DOCK2: variants seen among roughly 807,000 people sequenced by gnomAD.
The protein encoded by DOCK2 is dedicator of cytokinesis 2, also known as dedicator of cytokinesis protein 2.
Under a neutral mutation model 248.9 loss-of-function variants are expected in DOCK2, and 87 were observed. The observed-to-expected ratio is 0.35, with a 90% CI of 0.29 to 0.42. The LOEUF (loss-of-function observed/expected upper bound fraction) is 0.42, where lower values mean the gene tolerates loss of function less well. Among genes scored for constraint, DOCK2 ranks in the 10% least tolerant of loss-of-function variants. The pLI is 1.00. For synonymous variants in DOCK2, 805 were observed against 821.6 expected (o/e 0.98, Z 0.35); for missense variants, 1,747 against 2,300.2 (o/e 0.76, Z 4.92).
chr5:169,975,304 T>C (rs1220526178), intron 27 of DOCK2, among the ~76,000 whole-genome samples: 2 of 152,176 alleles, frequency 1.3e-5, no homozygotes, highest in Non-Finnish European at 2.9e-5. Context: ...TGGAAAATGC[T>C]TCTCTAAAGA....
intron 26 of DOCK2, among the ~76,000 whole-genome samples, chr5:169,828,375 C>T (rs1469951420): frequency 6.6e-6 from 1 of 152,176 alleles, no homozygotes; most frequent in Non-Finnish European, 1.5e-5. Flanking sequence ...CTGGCTGAGG[C>T]ATAGGCTGCT....
At position 169,846,191 on chromosome 5, in the gene DOCK2, G is replaced by A. The variant is rs79990944; in HGVS notation, c.2799+5339G>A. On this transcript the variant is annotated intron_variant, in intron 27 of 51. Coordinates refer to ENST00000520908, the MANE Select transcript of DOCK2 (RefSeq NM_004946.3). ...TTTTGAAATCCCAGGAGGGCCCCAA[G>A]TGGGTATAGGATGGCTGGTTGCAAC... Among the ~76,000 whole-genome samples the A allele has an allele frequency of 1.6e-4, 25 of 152,296 alleles. No homozygotes were observed. The East Asian group carries it at 4.6e-3, about 28-fold the overall frequency.
chr5:170,038,860 T>G (rs1756412030), intron 36 of DOCK2, among the ~76,000 whole-genome samples: 1 of 152,042 alleles, frequency 6.6e-6, no homozygotes, highest in African/African-American at 2.4e-5. Context: ...CTCCCCAGGT[T>G]TTTTGAACTC....
chr5:169,998,386 G>C (rs1049593964), intron 30 of DOCK2, among the ~76,000 whole-genome samples: 1 of 152,224 alleles, frequency 6.6e-6, no homozygotes, highest in Non-Finnish European at 1.5e-5. Context: ...TTTGCTGAGA[G>C]GATGAACAGG....
At chr5:169,966,062 A>G (rs1284513478) in intron 27 of DOCK2, among the ~76,000 whole-genome samples, 2 of 152,234 alleles carry the variant, frequency 1.3e-5, no homozygotes, top group Admixed American at 1.3e-4. Flanking sequence ...TTCCTTTGCA[A>G]TATTCTGCCA....
chr5:170,016,188 C>T (rs1241930766), intron 32 of DOCK2, among the ~76,000 whole-genome samples: 3 of 152,234 alleles, frequency 2.0e-5, no homozygotes, highest in Non-Finnish European at 4.4e-5. Context: ...GGCTTATTGG[C>T]ACTTTAATAG....
At chr5:169,934,409 C>G (rs957183665) in intron 27 of DOCK2, among the ~76,000 whole-genome samples, 1 of 152,190 alleles carries the variant, frequency 6.6e-6, no homozygotes, top group African/African-American at 2.4e-5. Flanking sequence ...TCCGCATGCC[C>G]GTGAATCACA....
At chr5:169,883,420 C>T (rs1463024363) in intron 27 of DOCK2, 1 of 1,551,642 alleles carries the variant, frequency 6.4e-7, no homozygotes, top group Admixed American at 2.0e-5. Flanking sequence ...CCTTCGAGGC[C>T]CATCCTCAAG....
intron 41 of DOCK2, among the ~76,000 whole-genome samples, chr5:170,051,806 G>A (rs1756926720): frequency 6.6e-6 from 1 of 152,092 alleles, no homozygotes; most frequent in Admixed American, 6.5e-5. Context: ...CACAGAAAGA[G>A]GAAAGAAGAA....
At chr5:169,744,333 C>A (rs928406694) in intron 22 of DOCK2, among the ~76,000 whole-genome samples, 1 of 152,114 alleles carries the variant, frequency 6.6e-6, no homozygotes, top group African/African-American at 2.4e-5. Context: ...ATCTTTTTTC[C>A]TTCCAGTTCA....
chr5:169,897,546 T>C (rs2113564640), intron 27 of DOCK2, among the ~76,000 whole-genome samples: 1 of 152,276 alleles, frequency 6.6e-6, no homozygotes, highest in Middle Eastern at 3.4e-3. Context: ...ATGGTCCCTT[T>C]AAAGACTTCA....
At chr5:169,993,416 T>G (rs1778258893) in intron 29 of DOCK2, among the ~76,000 whole-genome samples, 1 of 152,208 alleles carries the variant, frequency 6.6e-6, no homozygotes, top group Admixed American at 6.5e-5. Flanking sequence ...TGAAGCCACC[T>G]CAGCTAGTGA....
At chr5:169,941,825 G>A (rs1292925161) in intron 27 of DOCK2, among the ~76,000 whole-genome samples, 3 of 152,186 alleles carry the variant, frequency 2.0e-5, no homozygotes, top group Non-Finnish European at 4.4e-5. Context: ...TTCCCCTCCA[G>A]AATAGAACCC....
rs191889792 is a variant in DOCK2 at position 169,711,575 on chromosome 5, C to T, written c.1483-360C>T. ...AGCCCTGCTGCAATTGCCAGAACTC[C>T]TGGAGTGTGTAAGGAAAATGTGCAT... On this transcript the variant is annotated intron_variant, in intron 15 of 51. Transcript: ENST00000520908. Among the ~76,000 whole-genome samples, 41 of 152,350 alleles carry T rather than the reference C, an allele frequency of 2.7e-4. 1 individual carries two copies. The East Asian group carries it at 7.7e-3, about 29-fold the overall frequency.
chr5:169,825,536 C>T lies in DOCK2; in HGVS notation c.2704-15221C>T, dbSNP rs1388275439. ...ATCGCAAGGACAAAAAACCAAACAC[C>T]GCATGTTCTCATTCATAGGTGGGAA... is the stretch of plus-strand genomic sequence containing the variant. On this transcript the variant is annotated intron_variant, in intron 26 of 51. Transcript: ENST00000520908. Among the ~76,000 whole-genome samples the T allele has an allele frequency of 4.8e-5, 7 of 145,388 alleles. 1 individual carries two copies. The highest frequency in any genetic ancestry group is 2.0e-4 in the East Asian group (1 of 4,934).
At chr5:169,668,784 G>A (rs900128114) in intron 2 of DOCK2, among the ~76,000 whole-genome samples, 1 of 152,164 alleles carries the variant, frequency 6.6e-6, no homozygotes, top group African/African-American at 2.4e-5. Context: ...ACTAACTTTT[G>A]TAAATCGCAT....
chr5:169,677,291 AT>A (rs1759386945), intron 6 of DOCK2, among the ~76,000 whole-genome samples: 1 of 152,206 alleles, frequency 6.6e-6, no homozygotes, highest in African/African-American at 2.4e-5. Context: ...TCTGATTTAC[AT>A]CCACACCACT....
Position 170,079,120 on chromosome 5 carries a change from G to A in DOCK2, c.5140G>A (p.Ala1714Thr). The change falls in exon 49 of 52, where the codon GCA (alanine) becomes ACA (threonine). Residue 1714 changes from alanine to threonine, a missense_variant. By Grantham distance (58) the Ala-to-Thr change is moderately conservative. Coordinates refer to ENST00000520908, the MANE Select transcript of DOCK2 (RefSeq NM_004946.3). ...RSSVVFADEK[A>T]AAESDLKRLS... ...CAGCGTAGTTTTTGCGGATGAGAAA[G>A]CAGCTGCAGAGTCGGACCTGAAGCG... 1 of 1,613,906 alleles carries A rather than the reference G, an allele frequency of 6.2e-7. No homozygotes were observed. Among genetic ancestry groups the A allele is most frequent in the African/African-American group, 1.3e-5 (1 of 75,060 alleles).
chr5:169,811,665 A>G (rs1054607603), intron 26 of DOCK2, among the ~76,000 whole-genome samples: 1 of 152,178 alleles, frequency 6.6e-6, no homozygotes, highest in Non-Finnish European at 1.5e-5. Context: ...AGCACCTTCT[A>G]ACTGGCAGTG....
Sources: gnomAD v4.1 joint callset for allele counts (sites outside exome capture counted in the v4.1 genomes callset) on GRCh38, gnomAD v4.1.1 for gene constraint, MANE v1.5 for transcripts, NCBI Gene and HGNC (gene_info 2026-07-23, HGNC 2026-07-21) for gene names.